PTPRK: variants seen among roughly 807,000 people sequenced by gnomAD.
PTPRK encodes the protein receptor-type tyrosine-protein phosphatase kappa.
A neutral mutation model predicts 178.0 loss-of-function variants in PTPRK; 75 were observed. The ratio of observed to expected loss-of-function variants is 0.42; its 90% CI spans 0.35 to 0.51. PTPRK has a LOEUF of 0.51. Ranked by LOEUF, PTPRK falls within the 20% of genes least tolerant of loss-of-function variation. The probability of loss-of-function intolerance (pLI) is 0.02; values close to 1 mark genes in which losing one functional copy is unlikely to be tolerated. For missense variants in PTPRK, 1,441 were observed against 1,797.8 expected (o/e 0.80, Z 3.59); for synonymous variants, 637 against 620.6 (o/e 1.03, Z -0.39).
At position 128,047,712 on chromosome 6, in the gene PTPRK, C is replaced by T. The variant is rs1778308719; in HGVS notation, c.2194+17046G>A. The stretch of plus-strand genomic sequence containing the variant: ...CATTTGTGAAATACCTGAACCTTTA[C>T]ACTACATATTGGAAACTAGCCACTA... On this transcript the variant is annotated intron_variant, in intron 13 of 29. Transcript: ENST00000368226. Among the ~76,000 whole-genome samples, 3 of 152,126 alleles carry T rather than the reference C, an allele frequency of 2.0e-5. No homozygotes were observed. The South Asian group carries it at 6.2e-4, about 32-fold the overall frequency.
chr6:128,198,586 A>T (rs1805349734), intron 6 of PTPRK, among the ~76,000 whole-genome samples: 1 of 152,200 alleles, frequency 6.6e-6, no homozygotes, highest in Non-Finnish European at 1.5e-5. Flanking sequence ...ACAAAACTGC[A>T]CATTCTGCAC....
At chr6:128,261,767 A>G (rs1818220435) in intron 3 of PTPRK, among the ~76,000 whole-genome samples, 1 of 152,192 alleles carries the variant, frequency 6.6e-6, no homozygotes, top group Non-Finnish European at 1.5e-5. Flanking sequence ...AGAACTTTTA[A>G]ATATGAATTT....
intron 5 of PTPRK, among the ~76,000 whole-genome samples, chr6:128,229,519 A>G (rs1173970094): frequency 6.6e-6 from 1 of 152,186 alleles, no homozygotes; most frequent in African/African-American, 2.4e-5. Flanking sequence ...GTTATCTTGA[A>G]ATATGATTTC....
chr6:128,002,558 A>C (rs1777956627), intron 15 of PTPRK, among the ~76,000 whole-genome samples: 1 of 151,910 alleles, frequency 6.6e-6, no homozygotes, highest in African/African-American at 2.4e-5. Flanking sequence ...TTACATCTGT[A>C]AAAGCGTTAA....
intron 7 of PTPRK, among the ~76,000 whole-genome samples, chr6:128,167,233 A>G (rs1207905159): frequency 6.6e-6 from 1 of 151,930 alleles, no homozygotes. Context: ...ATCCAATTTT[A>G]ATAGTTAAGA....
Position 128,511,913 on chromosome 6 carries a change from CT to C in PTPRK, c.100+8345del, listed in dbSNP as rs1220413332. Among the ~76,000 whole-genome samples, 8 of 152,278 alleles carry C rather than the reference CT, an allele frequency of 5.3e-5. No individual in the cohort carries two copies. The South Asian group carries it at 1.7e-3, about 32-fold the overall frequency. ...TTATGTAAAACACTGATCACAGGCC[CT>C]AGCAGGTCATGGGCTCTCAGTAAAT... On this transcript the variant is annotated intron_variant, in intron 1 of 29. Transcript: ENST00000368226.
chr6:128,297,972 C>T (rs1431301631), intron 3 of PTPRK, among the ~76,000 whole-genome samples: 1 of 152,036 alleles, frequency 6.6e-6, no homozygotes, highest in African/African-American at 2.4e-5. Flanking sequence ...AATTGATAGA[C>T]TGCTAGCAAG....
At chr6:128,444,710 G>C (rs1846714585) in intron 1 of PTPRK, among the ~76,000 whole-genome samples, 1 of 152,134 alleles carries the variant, frequency 6.6e-6, no homozygotes, top group Non-Finnish European at 1.5e-5. Flanking sequence ...AGAATGTCCA[G>C]AAAAGTAGAA....
intron 3 of PTPRK, among the ~76,000 whole-genome samples, chr6:128,260,931 T>C (rs368226493): frequency 1.3e-5 from 2 of 152,164 alleles, no homozygotes; most frequent in South Asian, 4.1e-4. Context: ...AAAATTTAAA[T>C]TGCAAAACAA....
chr6:128,499,691 T>C (rs1266677172), intron 1 of PTPRK, among the ~76,000 whole-genome samples: 1 of 152,212 alleles, frequency 6.6e-6, no homozygotes, highest in Non-Finnish European at 1.5e-5. Flanking sequence ...GACCCACAGT[T>C]AGAAATTCTT....
At chr6:128,200,846 AG>A (rs1229562248) in intron 6 of PTPRK, among the ~76,000 whole-genome samples, 123 of 114,820 alleles carry the variant, frequency 1.1e-3, no homozygotes, top group Middle Eastern at 4.8e-3. Flanking sequence ...GATGAGGAGG[AG>A]GGGGGGAGGA....
intron 7 of PTPRK, among the ~76,000 whole-genome samples, chr6:128,133,133 G>A (rs1794508421): frequency 6.6e-6 from 1 of 152,154 alleles, no homozygotes; most frequent in South Asian, 2.1e-4. Flanking sequence ...AAAACTGTAT[G>A]TTGAAAAACA....
At chr6:128,478,083 T>C (rs1309251010) in intron 1 of PTPRK, among the ~76,000 whole-genome samples, 2 of 152,152 alleles carry the variant, frequency 1.3e-5, no homozygotes, top group Admixed American at 1.3e-4. Flanking sequence ...CCTGCCTACT[T>C]GGGAATTAAT....
rs186590977 is a variant in PTPRK, at chr6:127,990,381, T to G, written c.3096+388A>C. On this transcript the variant is annotated intron_variant, in intron 21 of 29. Coordinates refer to ENST00000368226, the MANE Select transcript of PTPRK (RefSeq NM_002844.4). ...CACTTATTTCAGGTCTCTACTCATA[T>G]TACTTTCTCAACAATGAGTTTTTCT... 3.5e-3 allele frequency among the ~76,000 whole-genome samples: 532 copies of G among 152,226 alleles called. 3 individuals are homozygous for G. Among genetic ancestry groups the G allele is most frequent in the African/African-American group, 0.012 (484 of 41,556 alleles).
At chr6:128,145,225 A>G (rs1796307905) in intron 7 of PTPRK, among the ~76,000 whole-genome samples, 1 of 152,022 alleles carries the variant, frequency 6.6e-6, no homozygotes, top group African/African-American at 2.4e-5. Context: ...AAATTTGTTA[A>G]GAGGGTAGTT....
intron 9 of PTPRK, among the ~76,000 whole-genome samples, chr6:128,083,014 CAA>C (rs1309682233): frequency 6.6e-6 from 1 of 151,998 alleles, no homozygotes; most frequent in African/African-American, 2.4e-5. Context: ...GTACTTTGTT[CAA>C]GTTATATAAC....
At chr6:128,512,331 G>A (rs1482716731) in intron 1 of PTPRK, among the ~76,000 whole-genome samples, 2 of 152,290 alleles carry the variant, frequency 1.3e-5, no homozygotes, top group East Asian at 3.9e-4. Context: ...TATAGAGAAC[G>A]TTGCTATTAT....
chr6:128,054,834 C>T (rs770072010), intron 13 of PTPRK, among the ~76,000 whole-genome samples: 4 of 152,296 alleles, frequency 2.6e-5, no homozygotes, highest in Non-Finnish European at 4.4e-5. Flanking sequence ...GAATGAACCA[C>T]GGACTAGGGG....
At position 127,997,289 on chromosome 6, in the gene PTPRK, T is replaced by C. The variant is rs186627784; in HGVS notation, c.2680-301A>G. Among the ~76,000 whole-genome samples the C allele has an allele frequency of 1.8e-3, 272 of 152,246 alleles. 1 individual carries two copies. Among genetic ancestry groups the C allele is most frequent in the African/African-American group, 6.4e-3 (266 of 41,566 alleles). On this transcript the variant is annotated intron_variant, in intron 16 of 29. Coordinates refer to ENST00000368226, the MANE Select transcript of PTPRK (RefSeq NM_002844.4). ...AGAAGTAGAAGTAGCAAAGTATCAT[T>C]CTTTTCAAAACGTATTGAATGATAA...
Sources: gnomAD v4.1 joint callset for allele counts (sites outside exome capture counted in the v4.1 genomes callset) on GRCh38, gnomAD v4.1.1 for gene constraint, MANE v1.5 for transcripts, NCBI Gene and HGNC (gene_info 2026-07-23, HGNC 2026-07-21) for gene names.